The following SYCP1 variants were observed in gnomAD, a reference collection of about 807,000 sequenced individuals.
SYCP1 encodes synaptonemal complex protein 1.
SYCP1 carries 64 observed loss-of-function variants against 153.1 expected under a neutral mutation model. The observed-to-expected ratio is 0.42, with a 90% confidence interval of 0.34 to 0.51. SYCP1 has a LOEUF of 0.51. Ranked by LOEUF, SYCP1 falls within the 20% of genes least tolerant of loss-of-function variation. SYCP1 has a pLI of 0.06. For missense variants in SYCP1, 997 were observed against 1,049.0 expected (o/e 0.95, Z 0.68); for synonymous variants, 384 against 341.8 (o/e 1.12, Z -1.36).
At chr1:114,988,371 A>G (rs12058079) in intron 30 of SYCP1, among the ~76,000 whole-genome samples, 1 of 152,014 alleles carries the variant, frequency 6.6e-6, no homozygotes, top group Non-Finnish European at 1.5e-5. Flanking sequence ...ACATTTTATA[A>G]TCAAACTGTT....
chr1:114,983,433 A>AT lies in SYCP1; in HGVS notation c.2560-1286dup, dbSNP rs1453852537. 2.0e-5 allele frequency among the ~76,000 whole-genome samples: 3 copies of AT among 151,948 alleles called. No homozygotes were observed. The East Asian group carries it at 5.8e-4, about 29-fold the overall frequency. ...TTCACACACACACCAAGGAGAAGGC[A>AT]TTTTTTCACTAGTGAGCCCTCAGGT... On this transcript the variant is annotated intron_variant, in intron 29 of 31. Transcript: ENST00000369522.
chr1:114,973,466 A>G (rs1419714688), intron 27 of SYCP1, among the ~76,000 whole-genome samples: 2 of 151,976 alleles, frequency 1.3e-5, no homozygotes, highest in Admixed American at 6.6e-5. Context: ...TACAAAATTC[A>G]GGTATATTAG....
At chr1:114,978,511 C>G (rs1194030786) in intron 28 of SYCP1, among the ~76,000 whole-genome samples, 1 of 151,584 alleles carries the variant, frequency 6.6e-6, no homozygotes, top group Non-Finnish European at 1.5e-5. Flanking sequence ...AAGAATACCC[C>G]TCAGCTTCTA....
intron 12 of SYCP1, among the ~76,000 whole-genome samples, chr1:114,882,739 G>T (rs1666040980): frequency 6.6e-6 from 1 of 152,012 alleles, no homozygotes; most frequent in South Asian, 2.1e-4. Context: ...CACCTGGAAG[G>T]ATTTGCTTTT....
intron 2 of SYCP1, 24 bp from the exon 3 acceptor site, chr1:114,856,549 T>C (rs775711779): frequency 2.1e-5 from 33 of 1,562,444 alleles, no homozygotes; most frequent in Admixed American, 3.5e-5. Flanking sequence ...AACAGAATAT[T>C]TAAGAACTTC....
At chr1:114,900,202 T>C (rs1007347550) in intron 16 of SYCP1, among the ~76,000 whole-genome samples, 1 of 152,230 alleles carries the variant, frequency 6.6e-6, no homozygotes, top group African/African-American at 2.4e-5. Context: ...CACCACTTGT[T>C]TGAACTTTTA....
chr1:114,871,766 A>T (rs1175697046), intron 8 of SYCP1, among the ~76,000 whole-genome samples: 2 of 151,862 alleles, frequency 1.3e-5, no homozygotes, highest in African/African-American at 4.8e-5. Context: ...TTGTATGTTT[A>T]GTAGAGATGG....
rs556477183 is a variant in SYCP1 at position 114,907,668 on chromosome 1, G to A, written c.1321-2729G>A. 5.8e-4 allele frequency among the ~76,000 whole-genome samples: 86 copies of A among 149,542 alleles called. 2 individuals carry two copies. In the South Asian group the frequency reaches 0.013, roughly 22 times the overall value. On this transcript the variant is annotated intron_variant, in intron 16 of 31. Transcript: ENST00000369522. ...ATGATCTCCGCTCACTGCAAGCTCC[G>A]CCTCCTGGGTTCATGCCGTTCTCCT...
At chr1:114,930,058 A>G (rs1387444437) in intron 23 of SYCP1, among the ~76,000 whole-genome samples, 1 of 152,080 alleles carries the variant, frequency 6.6e-6, no homozygotes, top group African/African-American at 2.4e-5. Context: ...AAGCCCGGAT[A>G]TTTGAGAATT....
rs1051209047 is a variant in SYCP1, at chr1:114,869,926, C to T, written c.599-4580C>T. 3.9e-5 allele frequency among the ~76,000 whole-genome samples: 6 copies of T among 152,082 alleles called. No individual in the cohort carries two copies. In the East Asian group the frequency reaches 7.7e-4, roughly 20 times the overall value. ...TGCGGTTCTACCAGTTTTTGCTTCA[C>T]GTATTTTGACACCATATTATTAGGC... On this transcript the variant is annotated intron_variant, in intron 8 of 31. Transcript: ENST00000369522.
chr1:114,870,105 C>T (rs1412439436), intron 8 of SYCP1, among the ~76,000 whole-genome samples: 1 of 152,128 alleles, frequency 6.6e-6, no homozygotes, highest in Non-Finnish European at 1.5e-5. Context: ...CCTTGAAATC[C>T]TGGGCTCAAG....
intron 20 of SYCP1, among the ~76,000 whole-genome samples, chr1:114,921,982 G>A (rs1668920492): frequency 2.6e-5 from 4 of 152,054 alleles, no homozygotes. Flanking sequence ...GGCCTGTAAG[G>A]TTTCCATTGA....
chr1:114,950,989 T>C (rs1160098058), intron 27 of SYCP1, among the ~76,000 whole-genome samples: 17 of 152,012 alleles, frequency 1.1e-4, no homozygotes, highest in Non-Finnish European at 1.5e-4. Flanking sequence ...CACGCCTGGA[T>C]AATTTTTTGT....
rs116760851 is a variant in SYCP1 at position 114,948,931 on chromosome 1, T to A, written c.2322+1611T>A. Among the ~76,000 whole-genome samples the A allele has an allele frequency of 8.4e-3, 1,280 of 152,306 alleles. 21 individuals carry two copies. The highest frequency in any genetic ancestry group is 0.029 in the African/African-American group (1,215 of 41,562). On this transcript the variant is annotated intron_variant, in intron 27 of 31. Coordinates refer to ENST00000369522, the MANE Select transcript of SYCP1 (RefSeq NM_003176.4). ...TAAACATAAATAAGAATAAGAATTC[T>A]GTTACTGTAGCTTGTATCTCAAGTT...
At chr1:114,947,455 C>A in intron 27 of SYCP1, 135 bp downstream of exon 27, 1 of 625,706 alleles carries the variant, frequency 1.6e-6, no homozygotes, top group East Asian at 2.9e-5. Flanking sequence ...CCCCCAGAAG[C>A]TTTTTTCTAG....
At chr1:114,886,041 T>C (rs1666273756) in intron 13 of SYCP1, 84 bp from the exon 14 acceptor site, 1 of 854,098 alleles carries the variant, frequency 1.2e-6, no homozygotes, top group South Asian at 2.2e-5. Context: ...AAAGGGGCAG[T>C]GAATGTATAG....
chr1:114,914,072 TG>T (rs1557795500), intron 20 of SYCP1, 27 bp downstream of exon 20: 2 of 1,492,090 alleles, frequency 1.3e-6, no homozygotes, highest in Admixed American at 4.5e-5. Context: ...GGCCTTTTTT[TG>T]TCTGGCAAAA....
In SYCP1 at chr1:114,874,498, A is replaced by G; in HGVS notation, c.599-8A>G. 1 of 1,507,618 alleles carries G rather than the reference A, an allele frequency of 6.6e-7. No individual in the cohort carries two copies. Among genetic ancestry groups the G allele is most frequent in the Non-Finnish European group, 9.1e-7 (1 of 1,102,520 alleles). The allele number at this position is 1,507,618 out of a possible 1,614,324, so 93.4% of individuals were successfully genotyped here. On this transcript the variant is annotated splice_polypyrimidine_tract_variant and splice_region_variant and intron_variant, in intron 8 of 31. Coordinates refer to ENST00000369522, the MANE Select transcript of SYCP1 (RefSeq NM_003176.4). ...AATTTAATCTTGAAATTTTTATATT[A>G]ACAATAGATGAATATGAACGGGAAG...
chr1:114,904,108 TTTTC>T (rs1460417145), intron 16 of SYCP1, among the ~76,000 whole-genome samples: 4 of 151,800 alleles, frequency 2.6e-5, no homozygotes, highest in South Asian at 2.1e-4. Flanking sequence ...TATAATTAGC[TTTTC>T]TTTCTTTCTT....
Sources: allele counts gnomAD v4.1 joint callset (sites outside exome capture counted in the v4.1 genomes callset), GRCh38; gene constraint gnomAD v4.1.1; transcripts MANE v1.5; gene names NCBI Gene and HGNC (gene_info 2026-07-23, HGNC 2026-07-21).